The following NUP210L variants were observed in gnomAD, a reference collection of about 807,000 sequenced individuals.
NUP210L encodes nuclear pore membrane glycoprotein 210-like.
A neutral mutation model predicts 208.5 loss-of-function variants in NUP210L; 74 were observed. The ratio of observed to expected loss-of-function variants is 0.35; its 90% confidence interval spans 0.29 to 0.43. The LOEUF is 0.43. NUP210L is among the 20% of genes least tolerant of loss of function. The pLI, the probability that NUP210L is intolerant of heterozygous loss-of-function variation, is 1.00. For synonymous variants in NUP210L, 780 were observed against 816.9 expected, an observed-to-expected ratio of 0.95 and a Z score of 0.77; for missense variants, 1,843 against 2,289.4, an observed-to-expected ratio of 0.81 and a Z score of 3.98.
At chr1:154,096,614 G>T (rs1018527031) in intron 14 of NUP210L, among the ~76,000 whole-genome samples, 1 of 151,432 alleles carries the variant, frequency 6.6e-6, no homozygotes, top group African/African-American at 2.4e-5. Context: ...TACAAAATTA[G>T]CTGAGCATGG....
At position 154,095,114 on chromosome 1, in the gene NUP210L, C is replaced by T. The variant is rs566483022; in HGVS notation, c.2008G>A (p.Val670Met). The T allele has an allele frequency of 2.5e-6, 4 of 1,614,172 alleles. No homozygotes were observed. The South Asian group carries it at 3.3e-5, about 13-fold the overall frequency. ...CCCCCTTCAAATACCATTTCCTTCA[C>T]AGACTGCCATGTCACCAATGCCACT... is the stretch of plus-strand genomic sequence containing the variant. The change falls in exon 15 of 40, where the codon GTG becomes ATG. Residue 670 changes from valine (V) to methionine (M), a missense_variant. By Grantham distance (21) the Val-to-Met change is conservative. Around this residue, in one of 5 missense-constraint regions of NUP210L, gnomAD observed 408 missense variants for 600.8 expected, o/e 0.68. Coordinates refer to ENST00000368559, the Ensembl canonical transcript of NUP210L.
At chr1:154,070,139 A>G (rs1258050163) in intron 17 of NUP210L, 134 bp downstream of exon 17, 1 of 657,794 alleles carries the variant, frequency 1.5e-6, no homozygotes, top group African/African-American at 1.8e-5. Flanking sequence ...AACATGGCAC[A>G]TGTATACATA....
intron 2 of NUP210L, among the ~76,000 whole-genome samples, chr1:154,147,985 C>T (rs1245285079): frequency 1.4e-5 from 2 of 141,664 alleles, no homozygotes; most frequent in Admixed American, 6.8e-5. Context: ...CAAGGCCAGG[C>T]ACGGTGGCTC....
At chr1:154,126,202 T>C in intron 10 of NUP210L, 121 bp downstream of exon 10, 2 of 804,908 alleles carry the variant, frequency 2.5e-6, no homozygotes, top group Non-Finnish European at 4.0e-6. Context: ...ATTTGCTGTT[T>C]ATCTGTTTAT....
rs567293228 is a variant in NUP210L, at chr1:154,069,789, C to G, written c.2554+484G>C. Among the ~76,000 whole-genome samples, 261 of 152,208 alleles carry G rather than the reference C, an allele frequency of 1.7e-3. 1 individual carries two copies. Among genetic ancestry groups the G allele is most frequent in the African/African-American group, 6.0e-3 (250 of 41,538 alleles). On this transcript the variant is annotated intron_variant, in intron 17 of 39. Coordinates refer to ENST00000368559, the Ensembl canonical transcript of NUP210L. ...CAGCACTATTCACAATAGCAAAGAC[C>G]TAGAACCAACCAAAATGTCCATCAA...
chr1:154,013,509 G>C (rs370348013), intron 33 of NUP210L, among the ~76,000 whole-genome samples: 3 of 152,084 alleles, frequency 2.0e-5, no homozygotes, highest in African/African-American at 7.2e-5. Flanking sequence ...GGGAGGCGGA[G>C]TCTGCAGTGA....
At chr1:154,023,190 A>T in exon 31 of NUP210L, 1 of 1,614,022 alleles carries the variant, frequency 6.2e-7, no homozygotes, top group Non-Finnish European at 8.5e-7. Context: ...TATAAAACTG[A>T]ACAGTGAAGG....
chr1:153,995,100 C>G (rs748366351), exon 38 of NUP210L: 1 of 1,612,780 alleles, frequency 6.2e-7, no homozygotes, highest in Non-Finnish European at 8.5e-7. Context: ...GCTGTTGATG[C>G]CAGCACTGCA....
intron 38 of NUP210L, among the ~76,000 whole-genome samples, chr1:153,993,915 C>CA (rs1359012438): frequency 6.6e-6 from 1 of 151,530 alleles, no homozygotes; most frequent in Non-Finnish European, 1.5e-5. Context: ...TTTTTTTAGA[C>CA]ACACAGTATC....
At chr1:154,063,790 C>T (rs996325214) in intron 17 of NUP210L, among the ~76,000 whole-genome samples, 2 of 151,548 alleles carry the variant, frequency 1.3e-5, no homozygotes, top group Admixed American at 1.3e-4. Context: ...TAAATAGCAA[C>T]CAAAAAAGGA....
intron 27 of NUP210L, among the ~76,000 whole-genome samples, chr1:154,042,230 G>A (rs917482830): frequency 1.3e-5 from 2 of 151,830 alleles, no homozygotes; most frequent in Non-Finnish European, 2.9e-5. Context: ...CTCCCTAGAA[G>A]CTGGGACTAC....
chr1:154,118,666 C>T lies in NUP210L; in HGVS notation c.1464+5G>A, dbSNP rs1657453899. The T allele has an allele frequency of 6.4e-7, 1 of 1,553,718 alleles. No homozygotes were observed. The highest frequency in any genetic ancestry group is 8.7e-7 in the Non-Finnish European group (1 of 1,147,354). ...CTCCTTGTGAAGCCTTATAGGACAC[C>T]ATACCTGTACTTTATAACGATATAA... On this transcript the variant is annotated splice_donor_5th_base_variant and intron_variant, in intron 11 of 39. Transcript: ENST00000368559.
At chr1:154,006,946 G>GTGTGTATATATA (rs767785200) in intron 35 of NUP210L, among the ~76,000 whole-genome samples, 80 of 95,376 alleles carry the variant, frequency 8.4e-4, no homozygotes, top group South Asian at 1.6e-3. Context: ...GTGTGTGTGT[G>GTGTGTATATATA]TATATATATA....
chr1:154,090,054 G>A (rs867105928), intron 15 of NUP210L, among the ~76,000 whole-genome samples: 12 of 151,894 alleles, frequency 7.9e-5, no homozygotes, highest in African/African-American at 2.9e-4. Context: ...TTCAGCCTGG[G>A]CAACAGAATG....
intron 33 of NUP210L, among the ~76,000 whole-genome samples, chr1:154,017,033 C>A (rs1225240823): frequency 6.6e-6 from 1 of 151,982 alleles, no homozygotes; most frequent in Non-Finnish European, 1.5e-5. Flanking sequence ...ATAATCCCAG[C>A]AATCTGGGAG....
chr1:154,084,699 C>T (rs1373445126), intron 16 of NUP210L, among the ~76,000 whole-genome samples: 1 of 151,428 alleles, frequency 6.6e-6, no homozygotes, highest in African/African-American at 2.4e-5. Flanking sequence ...TCTCCAACTC[C>T]TGGGCTCAAG....
At chr1:154,091,182 G>A (rs1468493230) in intron 15 of NUP210L, among the ~76,000 whole-genome samples, 1 of 148,942 alleles carries the variant, frequency 6.7e-6, no homozygotes, top group Non-Finnish European at 1.5e-5. Context: ...TGTAACCTCC[G>A]CCTCATGGGT....
At chr1:154,135,964 A>G in exon 7 of NUP210L, 1 of 1,600,350 alleles carries the variant, frequency 6.2e-7, no homozygotes, top group Non-Finnish European at 8.6e-7. Flanking sequence ...TCCAGGGGAA[A>G]TTTCACCTCT....
intron 7 of NUP210L, among the ~76,000 whole-genome samples, chr1:154,133,873 G>A (rs1658380440): frequency 6.6e-6 from 1 of 151,348 alleles, no homozygotes; most frequent in South Asian, 2.1e-4. Flanking sequence ...TTTTTGGCCA[G>A]GCACAGTGGC....
Sources: allele counts gnomAD v4.1 joint callset (sites outside exome capture counted in the v4.1 genomes callset), GRCh38; gene constraint gnomAD v4.1.1; regional missense constraint gnomAD v4.1.1; transcripts MANE v1.5; gene names NCBI Gene and HGNC (gene_info 2026-07-23, HGNC 2026-07-21).